Variants in SH3TC1 observed in about 807,000 individuals in gnomAD.
The protein encoded by SH3TC1 is SH3 domain and tetratricopeptide repeats 1.
Under a neutral mutation model 117.3 loss-of-function variants are expected in SH3TC1, and 135 were observed. The ratio of observed to expected loss-of-function variants is 1.15; its 90% CI spans 1.00 to 1.33. SH3TC1 has a LOEUF of 1.33. Among genes scored for constraint, SH3TC1 ranks in the 40% most tolerant of loss-of-function variants. The pLI is 0.00. For synonymous variants in SH3TC1, 898 were observed against 816.9 expected, an observed-to-expected ratio of 1.10 and a Z score of -1.69; for missense variants, 2,092 against 1,794.3, an observed-to-expected ratio of 1.17 and a Z score of -3.00.
chr4:8,226,270 C>T (rs762010424), intron 11 of SH3TC1, among the ~76,000 whole-genome samples: 3 of 152,186 alleles, frequency 2.0e-5, no homozygotes, highest in East Asian at 3.8e-4. Flanking sequence ...AGCCAGCAGG[C>T]GCCAGCAGGC....
Position 8,209,940 on chromosome 4 carries a change from A to G in SH3TC1, c.247+118A>G. ...AGTGTGGCCTCAGACTTCCCACCTT[A>G]AAATCATGATGGGAATAGAAAGAAG... On this transcript the variant is annotated intron_variant, in intron 3 of 17. Coordinates refer to ENST00000245105, the MANE Select transcript of SH3TC1 (RefSeq NM_018986.5). This position sits in a 1 kb window ranked among gnomAD's most constrained non-coding sequence, Gnocchi z 5.9. 1 of 1,015,386 alleles carries G rather than the reference A, an allele frequency of 9.8e-7. No individual in the cohort carries two copies. The highest frequency in any genetic ancestry group is 1.4e-6 in the Non-Finnish European group (1 of 691,128). The allele number at this position is 1,015,386 out of a possible 1,614,324, so 62.9% of individuals were successfully genotyped here. A position where few individuals can be genotyped will look rare whatever the true frequency, so the allele number is the denominator to read the frequency against.
Position 8,232,151 on chromosome 4 carries a change from C to A in SH3TC1, c.3126C>A (p.Thr1042=), listed in dbSNP as rs749868945. ...TISQLYLSLG[T]ERAYKSALDY... The stretch of plus-strand genomic sequence containing the variant: ...GCCAGCTCTACCTGTCCCTGGGCAC[C>A]GAGCGGTGAGGGCTGGCTCTGTGGT... Residue 1042 remains threonine, a synonymous_variant, in exon 13 of 18, where the codon ACC becomes ACA. Transcript: ENST00000245105. The A allele has an allele frequency of 6.9e-7, 1 of 1,458,184 alleles. No individual in the cohort carries two copies. Among genetic ancestry groups the A allele is most frequent in the Non-Finnish European group, 9.1e-7 (1 of 1,098,860 alleles). 90.3% of individuals were successfully genotyped at this position (1,458,184 alleles called of 1,614,324 possible).
chr4:8,220,305 C>T (rs964026192), intron 9 of SH3TC1, among the ~76,000 whole-genome samples: 2 of 152,134 alleles, frequency 1.3e-5, no homozygotes, highest in Admixed American at 6.5e-5. Context: ...CTGGGTGACA[C>T]GTGTGTCCTT....
chr4:8,236,235 G>A, intron 15 of SH3TC1, 43 bp from the exon 16 acceptor site: 1 of 1,512,128 alleles, frequency 6.6e-7, no homozygotes, highest in Non-Finnish European at 8.9e-7. Flanking sequence ...GCTGGGCAAG[G>A]TGGGTGCTGC....
At chr4:8,201,062 G>A (rs1379993480) in intron 1 of SH3TC1, among the ~76,000 whole-genome samples, 2 of 152,174 alleles carry the variant, frequency 1.3e-5, no homozygotes, top group East Asian at 3.9e-4. Context: ...CCCAGGATGC[G>A]AGGTGACAAG....
Position 8,237,678 on chromosome 4 carries a change from G to C in SH3TC1, c.3753+8G>C. ...ATCTTCTACGACCTGAAGGTGGGTG[G>C]GGAGGGGCTGGGCTCAGGGTGTTCC... is the stretch of plus-strand genomic sequence containing the variant. On this transcript the variant is annotated splice_region_variant and intron_variant, in intron 17 of 17. Coordinates refer to ENST00000245105, the MANE Select transcript of SH3TC1 (RefSeq NM_018986.5). The C allele has an allele frequency of 6.3e-7, 1 of 1,589,268 alleles. No individual in the cohort carries two copies. The highest frequency in any genetic ancestry group is 8.6e-7 in the Non-Finnish European group (1 of 1,165,238).
intron 13 of SH3TC1, chr4:8,232,956 G>A: frequency 8.4e-7 from 1 of 1,193,080 alleles, no homozygotes; most frequent in Non-Finnish European, 1.1e-6. Flanking sequence ...GGAGCCAGAA[G>A]CTCTGGGGGC....
rs1050643420 is a variant in SH3TC1 at position 8,209,373 on chromosome 4, C to A, written c.173-375C>A. 6.6e-6 allele frequency among the ~76,000 whole-genome samples: 1 copy of A among 152,154 alleles called. No homozygotes were observed. Among genetic ancestry groups the A allele is most frequent in the Non-Finnish European group, 1.5e-5 (1 of 68,038 alleles). On this transcript the variant is annotated intron_variant, in intron 2 of 17. Coordinates refer to ENST00000245105, the MANE Select transcript of SH3TC1 (RefSeq NM_018986.5). The surrounding 1 kb of genome is among the most constrained non-coding windows in gnomAD (Gnocchi z 5.9). The stretch of plus-strand genomic sequence containing the variant: ...GGAAGTAGAAGTGGCGGCCACAAGC[C>A]GAGGGACGTGTGCGGCCTCTTGAAG...
At chr4:8,233,087 G>C in intron 13 of SH3TC1, 2 of 1,289,688 alleles carry the variant, frequency 1.6e-6, no homozygotes, top group African/African-American at 3.0e-5. Flanking sequence ...GAAGACACAG[G>C]CCATGTCTGG....
chr4:8,234,744 G>T (rs967696988), intron 14 of SH3TC1, among the ~76,000 whole-genome samples: 6 of 152,210 alleles, frequency 3.9e-5, no homozygotes, highest in Non-Finnish European at 7.3e-5. Flanking sequence ...TCTTCTCCCT[G>T]AGGGCAGAGG....
rs1267689591 is a variant in SH3TC1, at chr4:8,206,446, G to A, written c.172+1080G>A. ...CAAGGAGACTGAGACGCGCAGGAGGGCCCTGGCCAGCCTCCCACAGAGCCG... is the reference window on the plus strand; with the variant it reads ...CAAGGAGACTGAGACGCGCAGGAGGACCCTGGCCAGCCTCCCACAGAGCCG... On this transcript the variant is annotated intron_variant, in intron 2 of 17. Coordinates refer to ENST00000245105, the MANE Select transcript of SH3TC1 (RefSeq NM_018986.5). The surrounding 1 kb of genome is among the most constrained non-coding windows in gnomAD (Gnocchi z 5.5). 6.6e-6 allele frequency among the ~76,000 whole-genome samples: 1 copy of A among 152,158 alleles called. No individual in the cohort carries two copies. The highest frequency in any genetic ancestry group is 1.9e-4 in the East Asian group (1 of 5,152).
At chr4:8,184,068 C>T (rs1188460726) in intron 1 of SH3TC1, among the ~76,000 whole-genome samples, 1 of 152,122 alleles carries the variant, frequency 6.6e-6, no homozygotes, top group African/African-American at 2.4e-5. Context: ...TTCTTTTAGG[C>T]CCTCTCAGCT....
chr4:8,232,471 T>G (rs371782120), intron 13 of SH3TC1: 1 of 1,453,676 alleles, frequency 6.9e-7, no homozygotes, highest in Non-Finnish European at 9.2e-7. Context: ...CCTGGTGGCT[T>G]TTGTCATCTG....
At position 8,205,068 on chromosome 4, in the gene SH3TC1, C is replaced by T; in HGVS notation, c.-28-99C>T. ...GGATCTGAAAGGTGCAGGCGCTCAG[C>T]AACGCTGGTGTTCTCTTTCTGGACC... On this transcript the variant is annotated intron_variant, in intron 1 of 17. Coordinates refer to ENST00000245105, the MANE Select transcript of SH3TC1 (RefSeq NM_018986.5). This position sits in a 1 kb window ranked among gnomAD's most constrained non-coding sequence, Gnocchi z 5.4. 1.0e-6 allele frequency: 1 copy of T among 986,244 alleles called. No homozygotes were observed. Among genetic ancestry groups the T allele is most frequent in the Non-Finnish European group, 1.4e-6 (1 of 696,648 alleles). 61.1% of individuals were successfully genotyped at this position (986,244 alleles called of 1,614,324 possible).
intron 1 of SH3TC1, among the ~76,000 whole-genome samples, chr4:8,203,540 G>A (rs981803551): frequency 6.6e-6 from 1 of 152,080 alleles, no homozygotes; most frequent in Non-Finnish European, 1.5e-5. Flanking sequence ...GGCTCCATCT[G>A]TGCTTGATGT....
chr4:8,189,178 C>T (rs1192548438), intron 1 of SH3TC1, among the ~76,000 whole-genome samples: 1 of 152,286 alleles, frequency 6.6e-6, no homozygotes, highest in African/African-American at 2.4e-5. Flanking sequence ...CCCCCTGTCA[C>T]TGGCACTTGG....
chr4:8,200,554 G>A (rs530192700), intron 1 of SH3TC1, among the ~76,000 whole-genome samples: 9 of 152,324 alleles, frequency 5.9e-5, no homozygotes, highest in South Asian at 2.1e-4. Context: ...CTGGGCCAGC[G>A]TTTTTTGCAT....
chr4:8,182,885 C>G (rs55909383), intron 1 of SH3TC1, among the ~76,000 whole-genome samples: 25,083 of 152,168 alleles, frequency 0.16, 2,503 homozygotes, highest in East Asian at 0.32. Context: ...CTCAGTCCCC[C>G]TCATGGGGCC....
At chr4:8,238,438 C>T (rs1408302862) in intron 17 of SH3TC1, among the ~76,000 whole-genome samples, 4 of 152,202 alleles carry the variant, frequency 2.6e-5, no homozygotes, top group African/African-American at 9.7e-5. Context: ...GGCGCCCGCC[C>T]CTACTCAGCA....
Sources: allele counts gnomAD v4.1 joint callset (sites outside exome capture counted in the v4.1 genomes callset), GRCh38; gene constraint gnomAD v4.1.1; non-coding constraint Gnocchi (gnomAD v3.1); transcripts MANE v1.5; gene names NCBI Gene and HGNC (gene_info 2026-07-23, HGNC 2026-07-21).